The following ZNF180 variants were observed in gnomAD, a reference collection of about 807,000 sequenced individuals.
ZNF180 encodes the protein zinc finger protein 180.
In ZNF180, 11 loss-of-function variants were observed where a neutral mutation model predicts 11.8. The ratio of observed to expected loss-of-function variants is 0.93; its 90% confidence interval spans 0.59 to 1.55. The LOEUF is 1.55. Among genes scored for constraint, ZNF180 ranks in the 40% most tolerant of loss-of-function variants. ZNF180 has a pLI of 0.00. For synonymous variants in ZNF180, 287 were observed against 257.7 expected, an observed-to-expected ratio of 1.11 and a Z score of -1.09; for missense variants, 773 against 781.7, an observed-to-expected ratio of 0.99 and a Z score of 0.13.
chr19:44,495,248 T>C lies in ZNF180; in HGVS notation c.51+2036A>G, dbSNP rs1048697814. ...AATGACGCCCTCTCCCTATGGATGCTTTCCCAGACTCCCTGGGCTCTGCCA... is the reference window on the plus strand; with the variant it reads ...AATGACGCCCTCTCCCTATGGATGCCTTCCCAGACTCCCTGGGCTCTGCCA... On this transcript the variant is annotated intron_variant, in intron 2 of 4. Coordinates refer to ENST00000592529, the MANE Select transcript of ZNF180 (RefSeq NM_001278509.3). The surrounding 1 kb of genome is among the most constrained non-coding windows in gnomAD (Gnocchi z 4.5). Among the ~76,000 whole-genome samples, 1 of 152,246 alleles carries C rather than the reference T, an allele frequency of 6.6e-6. No homozygotes were observed. The highest frequency in any genetic ancestry group is 1.9e-4 in the East Asian group (1 of 5,182).
chr19:44,480,467 C>A (rs1290784354), intron 3 of ZNF180, among the ~76,000 whole-genome samples: 1 of 152,120 alleles, frequency 6.6e-6, no homozygotes, highest in Admixed American at 6.5e-5. Context: ...ATACCTAAAT[C>A]ATTGGGTTGA....
chr19:44,481,812 A>C (rs1202729054), intron 3 of ZNF180, among the ~76,000 whole-genome samples: 1 of 152,192 alleles, frequency 6.6e-6, no homozygotes, highest in Non-Finnish European at 1.5e-5. Flanking sequence ...ACCCTCACCC[A>C]AATTGATTTA....
chr19:44,489,938 C>G (rs1372865024), intron 2 of ZNF180, among the ~76,000 whole-genome samples: 2 of 104,340 alleles, frequency 1.9e-5, no homozygotes, highest in African/African-American at 3.7e-5. Context: ...GAGAGAAAGA[C>G]AGGAAAGAAA....
rs1969971708 is a variant in ZNF180, at chr19:44,477,906, C to G, written c.494G>C (p.Ser165Thr). Residue 165 changes from serine (S) to threonine (T), a missense_variant, in exon 5 of 5, where the codon AGT (serine) becomes ACT (threonine). Transcript: ENST00000592529. The part of the protein sequence containing the change: ...KAVIHERVCK[S>T]DETGEKSGLN... ...ACCACTCTTCTCCCCAGTTTCATCA[C>G]TTTTGCAGACTCTCTCATGAATAAC... 3 of 1,613,960 alleles carry G rather than the reference C, an allele frequency of 1.9e-6. No homozygotes were observed. Among genetic ancestry groups the G allele is most frequent in the Non-Finnish European group, 2.5e-6 (3 of 1,180,004 alleles).
intron 3 of ZNF180, among the ~76,000 whole-genome samples, chr19:44,483,694 T>C (rs1970141787): frequency 6.6e-6 from 1 of 152,228 alleles, no homozygotes; most frequent in African/African-American, 2.4e-5. Flanking sequence ...ACTGTTCCTA[T>C]ATAAATCCTT....
rs202097089 is a variant in ZNF180 at position 44,476,531 on chromosome 19, C to T, written c.1869G>A (p.Val623=). ...TCTCTCCAGTATGAGTTCTTTGATGCACAATAAGTCGAGCACTCAAGCTAA... is the reference window on the plus strand; with the variant it reads ...TCTCTCCAGTATGAGTTCTTTGATGTACAATAAGTCGAGCACTCAAGCTAA... ...KTFSLSARLI[V]HQRTHTGEKP... Residue 623 remains valine, a synonymous_variant, in exon 5 of 5, where the codon GTG becomes GTA. Coordinates refer to ENST00000592529, the MANE Select transcript of ZNF180 (RefSeq NM_001278509.3). 4 of 1,613,828 alleles carry T rather than the reference C, an allele frequency of 2.5e-6. No individual in the cohort carries two copies. The highest frequency in any genetic ancestry group is 3.4e-6 in the Non-Finnish European group (4 of 1,179,904).
At chr19:44,489,988 A>T (rs1385721793) in intron 2 of ZNF180, among the ~76,000 whole-genome samples, 1 of 116,384 alleles carries the variant, frequency 8.6e-6, no homozygotes, top group Non-Finnish European at 1.7e-5. Flanking sequence ...AGAAAGAAAG[A>T]AAAAGCAAGA....
chr19:44,479,362 T>C lies in ZNF180; in HGVS notation c.174A>G (p.Glu58=). The C allele has an allele frequency of 2.5e-6, 4 of 1,613,968 alleles. No individual in the cohort carries two copies. The highest frequency in any genetic ancestry group is 3.4e-6 in the Non-Finnish European group (4 of 1,179,902). ...KIVTVDFTRE[E]QGTCNPAQRT... is the part of the protein sequence containing the mutation. ...TCTGAGCAGGGTTGCAAGTACCCTG[T>C]TCCTCCCGTGTGAAGTCCACAGTCA... Residue 58 remains glutamate (E), a synonymous_variant, in exon 4 of 5, where the codon GAA becomes GAG. Coordinates refer to ENST00000592529, the MANE Select transcript of ZNF180 (RefSeq NM_001278509.3).
chr19:44,492,464 GAATT>G (rs1268584412), intron 2 of ZNF180, among the ~76,000 whole-genome samples: 10 of 152,172 alleles, frequency 6.6e-5, no homozygotes, highest in African/African-American at 2.4e-4. Flanking sequence ...ATGGGAACAG[GAATT>G]AGACTGTTGA....
intron 2 of ZNF180, among the ~76,000 whole-genome samples, chr19:44,490,592 C>T (rs1049669329): frequency 9.2e-5 from 14 of 151,964 alleles, no homozygotes; most frequent in African/African-American, 3.4e-4. Context: ...TTTGTAAATG[C>T]TAACCTGTAT....
chr19:44,488,824 C>T (rs1425751928), intron 2 of ZNF180, among the ~76,000 whole-genome samples: 1 of 151,860 alleles, frequency 6.6e-6, no homozygotes, highest in African/African-American at 2.4e-5. Flanking sequence ...GTGAGGAGCA[C>T]CTCTGCCCGG....
Position 44,495,706 on chromosome 19 carries a change from C to T in ZNF180, c.51+1578G>A, listed in dbSNP as rs1310213837. ...CTCCATATATGGACACTGGCCTCAGCCACTTGGGCTCTGACACCCACATTG... is the reference window on the plus strand; with the variant it reads ...CTCCATATATGGACACTGGCCTCAGTCACTTGGGCTCTGACACCCACATTG... On this transcript the variant is annotated intron_variant, in intron 2 of 4. Coordinates refer to ENST00000592529, the MANE Select transcript of ZNF180 (RefSeq NM_001278509.3). This position sits in a 1 kb window ranked among gnomAD's most constrained non-coding sequence, Gnocchi z 4.5. Among the ~76,000 whole-genome samples, 1 of 152,096 alleles carries T rather than the reference C, an allele frequency of 6.6e-6. No homozygotes were observed. The highest frequency in any genetic ancestry group is 1.5e-5 in the Non-Finnish European group (1 of 68,010).
At position 44,475,237 on chromosome 19, in the gene ZNF180, C is replaced by A. The variant is rs190392165; in HGVS notation, c.*1165G>T. 6.6e-6 allele frequency: 1 copy of A among 152,144 alleles called. No individual in the cohort carries two copies. The highest frequency in any genetic ancestry group is 2.4e-5 in the African/African-American group (1 of 41,404). The allele number at this position is 152,144 out of a possible 1,614,324, so 9.4% of individuals were successfully genotyped here. A position where few individuals can be genotyped will look rare whatever the true frequency, so the allele number is the denominator to read the frequency against. ...AGCATTTTTGCAAGCATAATTTAGA[C>A]GGTCAGCACTGAGCCAGGGAAGCAC... On this transcript the variant is annotated 3_prime_UTR_variant, in exon 5 of 5. Transcript: ENST00000592529.
rs1410619500 is a variant in ZNF180, at chr19:44,477,046, T to A, written c.1354A>T (p.Lys452Ter). ...TGAATTCTTTGATGTGCAATAAGTT[T>A]ATAGCTCTGGATAAATGATTTCCCA... is the stretch of plus-strand genomic sequence containing the variant. ...QCGKSFIQSY[K>*]LIAHQRIHTG... Residue 452 changes from lysine to a stop codon, truncating the protein, a stop_gained, in exon 5 of 5, where the codon AAA (lysine) becomes TAA (stop). Coordinates refer to ENST00000592529, the MANE Select transcript of ZNF180 (RefSeq NM_001278509.3). LOFTEE classifies it low-confidence loss of function (END_TRUNC). 4.3e-6 allele frequency: 7 copies of A among 1,614,032 alleles called. No homozygotes were observed. Among genetic ancestry groups the A allele is most frequent in the Non-Finnish European group, 5.9e-6 (7 of 1,179,986 alleles).
chr19:44,481,795 CAAAAT>C (rs1970087398), intron 3 of ZNF180, among the ~76,000 whole-genome samples: 1 of 152,114 alleles, frequency 6.6e-6, no homozygotes, highest in African/African-American at 2.4e-5. Context: ...TATAAGATAT[CAAAAT>C]AACCCTCACC....
chr19:44,488,390 G>A (rs1027293283), intron 2 of ZNF180, among the ~76,000 whole-genome samples: 7 of 151,920 alleles, frequency 4.6e-5, no homozygotes, highest in South Asian at 2.1e-4. Flanking sequence ...TCAGCCTGCC[G>A]AGTGCCCGCG....
intron 2 of ZNF180, among the ~76,000 whole-genome samples, chr19:44,493,378 C>A (rs1256155400): frequency 6.6e-6 from 1 of 152,230 alleles, no homozygotes; most frequent in Admixed American, 6.5e-5. Flanking sequence ...CAGATGGTTT[C>A]TTCCTAGATC....
chr19:44,477,539 T>C lies in ZNF180; in HGVS notation c.861A>G (p.Ile287Met). The C allele has an allele frequency of 6.2e-7, 1 of 1,614,148 alleles. No homozygotes were observed. The change falls in exon 5 of 5, where the codon ATA (isoleucine) becomes ATG (methionine). Residue 287 changes from isoleucine to methionine, a missense_variant. Ile to Met is a conservative substitution (Grantham distance 10). Coordinates refer to ENST00000592529, the MANE Select transcript of ZNF180 (RefSeq NM_001278509.3). ...KECGQVLNPK[I>M]SHNEQQRIPF... ...GAATTCTCTGTTGTTCATTATGGGATATTTTGGGGTTCAAAACCTGCCCAC... is the reference window on the plus strand; with the variant it reads ...GAATTCTCTGTTGTTCATTATGGGACATTTTGGGGTTCAAAACCTGCCCAC...
chr19:44,488,401 A>G (rs1445804276), intron 2 of ZNF180, among the ~76,000 whole-genome samples: 2 of 152,058 alleles, frequency 1.3e-5, no homozygotes, highest in Non-Finnish European at 2.9e-5. Flanking sequence ...AGTGCCCGCG[A>G]TTGCAGGCGT....
Sources: gnomAD v4.1 joint callset for allele counts (sites outside exome capture counted in the v4.1 genomes callset) on GRCh38, gnomAD v4.1.1 for gene constraint, Gnocchi (gnomAD v3.1) non-coding constraint, MANE v1.5 for transcripts, NCBI Gene and HGNC (gene_info 2026-07-23, HGNC 2026-07-21) for gene names.